EXOSC4: variants seen among roughly 807,000 people sequenced by gnomAD.
EXOSC4 encodes exosome complex component RRP41.
A neutral mutation model predicts 20.0 loss-of-function variants in EXOSC4; 14 were observed. That is an observed-to-expected ratio of 0.70 (90% CI 0.46 to 1.09). EXOSC4 has a LOEUF of 1.09. Among genes scored for constraint, EXOSC4 ranks in the 50% least tolerant of loss-of-function variants. The pLI, the probability that EXOSC4 is intolerant of heterozygous loss-of-function variation, is 0.00. For synonymous variants in EXOSC4, 148 were observed against 146.4 expected (o/e 1.01, Z -0.08); for missense variants, 337 against 334.0 (o/e 1.01, Z -0.07).
upstream of EXOSC4, among the ~76,000 whole-genome samples, chr8:144,074,114 C>T (rs1835815276): frequency 6.6e-6 from 1 of 152,224 alleles, no homozygotes; most frequent in Non-Finnish European, 1.5e-5. Context: ...TTCCAGGATC[C>T]TCAGTCCCAC....
At chr8:144,068,447 C>T in the EXOSC4 span, among the ~76,000 whole-genome samples, 1 of 152,250 alleles carries the variant, frequency 6.6e-6, no homozygotes, top group Non-Finnish European at 1.5e-5. Context: ...GAACACGCTG[C>T]CCTGGCCCTT....
At chr8:144,066,444 T>C in the EXOSC4 span, among the ~76,000 whole-genome samples, 1 of 135,448 alleles carries the variant, frequency 7.4e-6, no homozygotes. Flanking sequence ...CTCTTTTTTT[T>C]TTTTTTTTTT....
At chr8:144,077,322 A>T (rs1460861690), upstream of EXOSC4, among the ~76,000 whole-genome samples, 1 of 152,208 alleles carries the variant, frequency 6.6e-6, no homozygotes, top group African/African-American at 2.4e-5. Context: ...GCTCAGACTG[A>T]AAGGGGAAAA....
the EXOSC4 span, among the ~76,000 whole-genome samples, chr8:144,070,073 C>G: frequency 6.6e-6 from 1 of 152,236 alleles, no homozygotes; most frequent in African/African-American, 2.4e-5. Context: ...GCATTTGGCT[C>G]AGGGCCGGGC....
chr8:144,075,914 G>A (rs1835832152), upstream of EXOSC4, among the ~76,000 whole-genome samples: 1 of 152,212 alleles, frequency 6.6e-6, no homozygotes, highest in Admixed American at 6.5e-5. Flanking sequence ...TGTTTCAAAA[G>A]AAGACTGCAT....
chr8:144,079,276 C>G (rs1187675859), intron 1 of EXOSC4: 2 of 221,068 alleles, frequency 9.0e-6, no homozygotes, highest in Non-Finnish European at 1.8e-5. Context: ...ATCTCAAATG[C>G]CTATTTTGCT....
In EXOSC4 at chr8:144,079,943, A is replaced by ATCCGGGGC. The variant is rs1554763242; in HGVS notation, c.176_183dup (p.Arg62GlyfsTer13). 2 of 1,613,936 alleles carry ATCCGGGGC rather than the reference A, an allele frequency of 1.2e-6. No individual in the cohort carries two copies. Among genetic ancestry groups the ATCCGGGGC allele is most frequent in the East Asian group, 4.5e-5 (2 of 44,880 alleles). On this transcript the variant is annotated frameshift_variant and splice_region_variant, in exon 2 of 3. Coordinates refer to ENST00000316052, the MANE Select transcript of EXOSC4 (RefSeq NM_019037.3). LOFTEE classifies it high-confidence loss of function. ...GGCTCATGTGTCTGTCCTCTTCCAG[A>ATCCGGGGC]TCCGGGGCTCCCGGGCTCGAGCCCT...
upstream of EXOSC4, among the ~76,000 whole-genome samples, chr8:144,076,823 C>T (rs116235720): frequency 0.011 from 1,605 of 152,140 alleles, 28 homozygotes; most frequent in African/African-American, 0.037. Flanking sequence ...TGCGTGGTGG[C>T]GGGAGGCCGA....
At chr8:144,067,114 G>C in the EXOSC4 span, among the ~76,000 whole-genome samples, 2 of 152,084 alleles carry the variant, frequency 1.3e-5, no homozygotes, top group Non-Finnish European at 2.9e-5. Context: ...AAAAAAGAAT[G>C]AGAGGCTCAG....
the EXOSC4 span, among the ~76,000 whole-genome samples, chr8:144,066,384 T>G: frequency 5.7e-4 from 86 of 150,162 alleles, no homozygotes; most frequent in African/African-American, 2.0e-3. Context: ...TCTCCCAAAG[T>G]GCTGGGATTA....
chr8:144,078,395 C>A (rs971206742), upstream of EXOSC4: 8 of 219,196 alleles, frequency 3.6e-5, no homozygotes, highest in Admixed American at 1.2e-4. The surrounding 1 kb of genome is among the most constrained non-coding windows in gnomAD (Gnocchi z 4.7). Flanking sequence ...CGTGGCACAG[C>A]TCCGGGAACG....
chr8:144,078,572 C>A (rs1280637526), upstream of EXOSC4: 3 of 748,402 alleles, frequency 4.0e-6, no homozygotes, highest in South Asian at 3.1e-5. The surrounding 1 kb of genome is among the most constrained non-coding windows in gnomAD (Gnocchi z 4.7). Context: ...CGCAGATCCA[C>A]GGAGGTCAGG....
chr8:144,077,206 C>T (rs182221411), upstream of EXOSC4, among the ~76,000 whole-genome samples: 1 of 152,176 alleles, frequency 6.6e-6, no homozygotes, highest in East Asian at 1.9e-4. Flanking sequence ...CATTGTGCCA[C>T]GGCACTCTAG....
chr8:144,064,678 TAA>T, the EXOSC4 span, among the ~76,000 whole-genome samples: 1 of 152,086 alleles, frequency 6.6e-6, no homozygotes, highest in Non-Finnish European at 1.5e-5. Flanking sequence ...ATCTGGGCCA[TAA>T]CCTCAAGGAA....
At chr8:144,068,719 G>A in the EXOSC4 span, among the ~76,000 whole-genome samples, 4 of 152,212 alleles carry the variant, frequency 2.6e-5, no homozygotes, top group South Asian at 2.1e-4. Context: ...TGCTTCCCCC[G>A]GTCCCTGGCT....
At chr8:144,078,623 C>T (rs1835860792), upstream of EXOSC4, 9 of 1,235,438 alleles carry the variant, frequency 7.3e-6, no homozygotes, top group Middle Eastern at 3.0e-4. The surrounding 1 kb of genome is among the most constrained non-coding windows in gnomAD (Gnocchi z 4.7). Context: ...GAAGTGATGG[C>T]GGACCTCCGG....
chr8:144,069,173 C>T, the EXOSC4 span, among the ~76,000 whole-genome samples: 2 of 152,244 alleles, frequency 1.3e-5, no homozygotes, highest in African/African-American at 4.8e-5. Flanking sequence ...GCAGATACTG[C>T]ATCCACCCCT....
At chr8:144,079,050 G>GC (rs1290380225) in intron 1 of EXOSC4, 151 bp downstream of exon 1, 5 of 919,676 alleles carry the variant, frequency 5.4e-6, no homozygotes, top group Non-Finnish European at 5.9e-6. Context: ...CGGAGTAAAC[G>GC]CAAGTCCTTA....
chr8:144,065,985 G>GT, the EXOSC4 span, among the ~76,000 whole-genome samples: 5,710 of 123,742 alleles, frequency 0.046, 143 homozygotes, highest in Middle Eastern at 0.074. Context: ...TAGTTTTTTT[G>GT]TTTTTTTTTT....
Sources: gnomAD v4.1 joint callset for allele counts (sites outside exome capture counted in the v4.1 genomes callset) on GRCh38, gnomAD v4.1.1 for gene constraint, Gnocchi (gnomAD v3.1) non-coding constraint, MANE v1.5 for transcripts, NCBI Gene and HGNC (gene_info 2026-07-23, HGNC 2026-07-21) for gene names.